The following SZT2 variants were observed in gnomAD, a reference collection of about 807,000 sequenced individuals.
SZT2 encodes the protein SZT2 subunit of KICSTOR complex.
Under a neutral mutation model 404.2 loss-of-function variants are expected in SZT2, and 216 were observed. The observed-to-expected ratio is 0.53, with a 90% CI of 0.48 to 0.60. The LOEUF (loss-of-function observed/expected upper bound fraction) is 0.60, where lower values mean the gene tolerates loss of function less well. SZT2 is among the 20% of genes least tolerant of loss of function. The pLI is 0.00. For missense variants in SZT2, 3,857 were observed against 4,459.2 expected (o/e 0.86, Z 3.85); for synonymous variants, 1,693 against 1,749.9 (o/e 0.97, Z 0.81).
chr1:43,432,237 C>T, intron 36 of SZT2, 35 bp from the exon 37 acceptor site: 1 of 1,521,958 alleles, frequency 6.6e-7, no homozygotes, highest in Non-Finnish European at 8.8e-7. Flanking sequence ...GAGGACTGCC[C>T]TGCCTAAACT....
chr1:43,409,329 T>C (rs976517280), intron 4 of SZT2, among the ~76,000 whole-genome samples: 1 of 152,070 alleles, frequency 6.6e-6, no homozygotes, highest in South Asian at 2.1e-4. Context: ...GCAGGAGTTA[T>C]CTGCTGAGGG....
At chr1:43,421,949 G>A in intron 11 of SZT2, 134 bp from the exon 12 acceptor site, 1 of 965,276 alleles carries the variant, frequency 1.0e-6, no homozygotes, top group Non-Finnish European at 1.5e-6. Flanking sequence ...TGTGCTTCAG[G>A]CTGGGCTGTA....
intron 28 of SZT2, chr1:43,428,999 G>C (rs1653527271): frequency 6.2e-6 from 1 of 162,152 alleles, no homozygotes; most frequent in South Asian, 1.7e-4. Context: ...AGAAGAACTA[G>C]AAGGATGGAT....
intron 32 of SZT2, 49 bp from the exon 33 acceptor site, chr1:43,430,900 G>A: frequency 6.3e-7 from 1 of 1,593,518 alleles, no homozygotes; most frequent in African/African-American, 1.3e-5. Flanking sequence ...CTTGGAATCT[G>A]TGCTTGTCTT....
chr1:43,428,690 C>G (rs975304861), intron 28 of SZT2: 4 of 635,420 alleles, frequency 6.3e-6, no homozygotes, highest in Non-Finnish European at 1.1e-5. Flanking sequence ...CAGGCTCTCC[C>G]CATCTCCCCT....
rs754175557 is a variant in SZT2, at chr1:43,443,580, G to A, written c.8626-17G>A. On this transcript the variant is annotated splice_polypyrimidine_tract_variant and intron_variant, in intron 61 of 71. Coordinates refer to ENST00000634258, the MANE Select transcript of SZT2 (RefSeq NM_001365999.1). ...GTTGACAGTGGGGAGAGTCTTCCTTGATCTTTACTCTCATAGCGGCGCCAT... is the reference window on the plus strand; with the variant it reads ...GTTGACAGTGGGGAGAGTCTTCCTTAATCTTTACTCTCATAGCGGCGCCAT... The A allele has an allele frequency of 1.2e-6, 2 of 1,613,960 alleles. No individual in the cohort carries two copies. Among genetic ancestry groups the A allele is most frequent in the Non-Finnish European group, 1.7e-6 (2 of 1,180,008 alleles).
chr1:43,403,393 A>G, intron 2 of SZT2, 91 bp downstream of exon 2: 2 of 1,520,982 alleles, frequency 1.3e-6, no homozygotes, highest in Non-Finnish European at 1.8e-6. Flanking sequence ...GTGGGAGACT[A>G]ACTCTTAAGT....
In SZT2 at chr1:43,431,813, G is replaced by GT. The variant is rs1653925536; in HGVS notation, c.5188dup (p.Ser1730PhefsTer43). On this transcript the variant is annotated frameshift_variant, in exon 36 of 72. Coordinates refer to ENST00000634258, the MANE Select transcript of SZT2 (RefSeq NM_001365999.1). LOFTEE classifies it high-confidence loss of function. ...CACCGCGCAGCTGCCCATATCCATAGTTCTCCTGGACGCTCCACCTGCCTT... is the reference window on the plus strand; with the variant it reads ...CACCGCGCAGCTGCCCATATCCATAGTTTCTCCTGGACGCTCCACCTGCCTT... 1 of 1,614,092 alleles carries GT rather than the reference G, an allele frequency of 6.2e-7. No individual in the cohort carries two copies.
Position 43,439,931 on chromosome 1 carries a change from A to C in SZT2, c.7093A>C (p.Ile2365Leu), listed in dbSNP as rs1402440208. ...LRLDVWEKGN[I>L]SIVQLEEKLR... Reference sequence around the variant, plus strand: ...ATTGGATGTGTGGGAAAAGGGGAACATTAGTATTGTGCAGCTGGAGGAGAA... The same window carrying C: ...ATTGGATGTGTGGGAAAAGGGGAACCTTAGTATTGTGCAGCTGGAGGAGAA... The change falls in exon 51 of 72, where the codon ATT (isoleucine) becomes CTT (leucine). Residue 2365 changes from isoleucine to leucine, a missense_variant. Ile to Leu is a conservative substitution (Grantham distance 5, BLOSUM62 2). Coordinates refer to ENST00000634258, the MANE Select transcript of SZT2 (RefSeq NM_001365999.1). This position sits in a 1 kb window ranked among gnomAD's most constrained non-coding sequence, Gnocchi z 4.2. The C allele has an allele frequency of 6.2e-7, 1 of 1,613,200 alleles. No individual in the cohort carries two copies. Among genetic ancestry groups the C allele is most frequent in the Non-Finnish European group, 8.5e-7 (1 of 1,179,618 alleles).
In SZT2 at chr1:43,453,203, GCAAA is replaced by G. The variant is rs1156851202; in HGVS notation, c.*2726_*2729del. On this transcript the variant is annotated 3_prime_UTR_variant, in exon 72 of 72. Coordinates refer to ENST00000634258, the MANE Select transcript of SZT2 (RefSeq NM_001365999.1). The stretch of plus-strand genomic sequence containing the variant: ...AGCATGGGGTGAGCATGAAAGAGTG[GCAAA>G]CAGAGTGGCATAAGACAGATAAAAT... 2 of 640,230 alleles carry G rather than the reference GCAAA, an allele frequency of 3.1e-6. No homozygotes were observed. Among genetic ancestry groups the G allele is most frequent in the South Asian group, 1.9e-5 (1 of 53,500 alleles). The allele number at this position is 640,230 out of a possible 1,614,324, so 39.7% of individuals were successfully genotyped here.
rs1479545397 is a variant in SZT2 at position 43,450,661 on chromosome 1, C to T, written c.*181C>T. 2 of 952,718 alleles carry T rather than the reference C, an allele frequency of 2.1e-6. No homozygotes were observed. The highest frequency in any genetic ancestry group is 3.1e-6 in the Non-Finnish European group (2 of 639,918). The allele number at this position is 952,718 out of a possible 1,614,324, so 59.0% of individuals were successfully genotyped here. ...TGCCCCAGCCTGGCAGCAGGAACCG[C>T]CCTCCCCAAACACCCACAGCCACTG... On this transcript the variant is annotated 3_prime_UTR_variant, in exon 72 of 72. Transcript: ENST00000634258. The surrounding 1 kb of genome is among the most constrained non-coding windows in gnomAD (Gnocchi z 4.3).
In SZT2 at chr1:43,434,258, G is replaced by T. The variant is rs141792641; in HGVS notation, c.5805-128G>T. ...CTGCTCCCTTTTCATGGTTTCTCTT[G>T]GCCCCACCTCCATGACTTTCTCTCC... is the stretch of plus-strand genomic sequence containing the variant. On this transcript the variant is annotated intron_variant, in intron 40 of 71. Transcript: ENST00000634258. 7.7e-5 allele frequency: 58 copies of T among 754,554 alleles called. No homozygotes were observed. In the African/African-American group the frequency reaches 1.0e-3, roughly 13 times the overall value. 46.7% of individuals were successfully genotyped at this position (754,554 alleles called of 1,614,324 possible).
At position 43,453,768 on chromosome 1, in the gene SZT2, T is replaced by G; in HGVS notation, c.*3288T>G. On this transcript the variant is annotated 3_prime_UTR_variant, in exon 72 of 72. Coordinates refer to ENST00000634258, the MANE Select transcript of SZT2 (RefSeq NM_001365999.1). ...GAGCTCGGGGAATAGCCAGGACAGA[T>G]TGGCGGAGAAGCGCAGCGGCGCCAT... 1 of 1,300,042 alleles carries G rather than the reference T, an allele frequency of 7.7e-7. No individual in the cohort carries two copies. The highest frequency in any genetic ancestry group is 2.5e-5 in the South Asian group (1 of 40,306). The allele number at this position is 1,300,042 out of a possible 1,614,324, so 80.5% of individuals were successfully genotyped here.
At position 43,431,900 on chromosome 1, in the gene SZT2, A is replaced by G; in HGVS notation, c.5273A>G (p.Glu1758Gly). 2.5e-6 allele frequency: 4 copies of G among 1,614,050 alleles called. No homozygotes were observed. Among genetic ancestry groups the G allele is most frequent in the Non-Finnish European group, 3.4e-6 (4 of 1,180,022 alleles). The change falls in exon 36 of 72, where the codon GAG (glutamate) becomes GGG (glycine). Residue 1758 changes from glutamate (E) to glycine (G), a missense_variant and splice_region_variant. Coordinates refer to ENST00000634258, the MANE Select transcript of SZT2 (RefSeq NM_001365999.1). Reference sequence around the variant, plus strand: ...GAGCGTTCCCTCACACAATTCAAGGAGGTAAGTTGCCCTCCAAACACTGCA... The same window carrying G: ...GAGCGTTCCCTCACACAATTCAAGGGGGTAAGTTGCCCTCCAAACACTGCA... The part of the protein sequence containing the change: ...GPERSLTQFK[E>G]EFRRLHLPGH...
Position 43,453,797 on chromosome 1 carries a change from TG to T in SZT2, c.*3321del. 3 of 1,260,074 alleles carry T rather than the reference TG, an allele frequency of 2.4e-6. No individual in the cohort carries two copies. Among genetic ancestry groups the T allele is most frequent in the South Asian group, 3.1e-5 (1 of 32,160 alleles). The allele number at this position is 1,260,074 out of a possible 1,614,324, so 78.1% of individuals were successfully genotyped here. A position where few individuals can be genotyped will look rare whatever the true frequency, so the allele number is the denominator to read the frequency against. On this transcript the variant is annotated 3_prime_UTR_variant, in exon 72 of 72. Coordinates refer to ENST00000634258, the MANE Select transcript of SZT2 (RefSeq NM_001365999.1). ...CGGAGAAGCGCAGCGGCGCCATGCC[TG>T]GGGAGGCCGGGCCGGGCGGAGTCCG...
At chr1:43,401,107 T>G (rs2153929256) in intron 1 of SZT2, among the ~76,000 whole-genome samples, 1 of 152,126 alleles carries the variant, frequency 6.6e-6, no homozygotes, top group South Asian at 2.1e-4. Flanking sequence ...TTTTTAGTAG[T>G]AGAGTTGAGG....
chr1:43,442,725 G>C lies in SZT2; in HGVS notation c.8152-94G>C, dbSNP rs553479516. 3,069 of 1,535,320 alleles carry C rather than the reference G, an allele frequency of 2.0e-3. 2 individuals are homozygous for C. Among genetic ancestry groups the C allele is most frequent in the Non-Finnish European group, 2.5e-3 (2,874 of 1,143,462 alleles). On this transcript the variant is annotated intron_variant, in intron 58 of 71. Coordinates refer to ENST00000634258, the MANE Select transcript of SZT2 (RefSeq NM_001365999.1). This position sits in a 1 kb window ranked among gnomAD's most constrained non-coding sequence, Gnocchi z 4.5. Reference sequence around the variant, plus strand: ...ATGGGACAGACTGAGGGCAGAGGTAGTGGGGAGGGAGAGTCTGAGAGAGGA... The same window carrying C: ...ATGGGACAGACTGAGGGCAGAGGTACTGGGGAGGGAGAGTCTGAGAGAGGA...
chr1:43,414,980 C>T, intron 4 of SZT2, 102 bp from the exon 5 acceptor site: 4 of 1,435,838 alleles, frequency 2.8e-6, no homozygotes, highest in African/African-American at 2.8e-5. Flanking sequence ...GGTAGGAAGT[C>T]AGGATCGCCT....
Position 43,439,877 on chromosome 1 carries a change from C to T in SZT2, c.7043-4C>T. 1.9e-6 allele frequency: 3 copies of T among 1,586,690 alleles called. No individual in the cohort carries two copies. Among genetic ancestry groups the T allele is most frequent in the Non-Finnish European group, 2.6e-6 (3 of 1,166,122 alleles). ...ACCCTCAAGTGTCCCTGTTCTCCTT[C>T]CAGCTCAGAATGGGGCCCCACGGCT... On this transcript the variant is annotated splice_polypyrimidine_tract_variant and splice_region_variant and intron_variant, in intron 50 of 71. Coordinates refer to ENST00000634258, the MANE Select transcript of SZT2 (RefSeq NM_001365999.1). This position sits in a 1 kb window ranked among gnomAD's most constrained non-coding sequence, Gnocchi z 4.2.
Sources: allele counts gnomAD v4.1 joint callset (sites outside exome capture counted in the v4.1 genomes callset), GRCh38; gene constraint gnomAD v4.1.1; non-coding constraint Gnocchi (gnomAD v3.1); transcripts MANE v1.5; gene names NCBI Gene and HGNC (gene_info 2026-07-23, HGNC 2026-07-21).